CFAP47: variants seen among roughly 807,000 people sequenced by gnomAD.
The protein encoded by CFAP47 is cilia- and flagella-associated protein 47.
CFAP47 carries 29 observed loss-of-function variants against 148.1 expected under a neutral mutation model. That is an observed-to-expected ratio of 0.20 (90% CI 0.15 to 0.27). CFAP47 has a LOEUF of 0.27. Ranked by LOEUF, CFAP47 falls within the 10% of genes least tolerant of loss-of-function variation. The probability of loss-of-function intolerance (pLI) is 1.00; values close to 1 mark genes in which losing one functional copy is unlikely to be tolerated. For synonymous variants in CFAP47, 664 were observed against 577.3 expected (o/e 1.15, Z -2.15); for missense variants, 1,872 against 1,697.5 (o/e 1.10, Z -1.81).
intron 46 of CFAP47, among the ~76,000 whole-genome samples, chrX:36,231,246 A>G (rs1555992553): frequency 9.1e-6 from 1 of 109,829 alleles, no homozygotes; most frequent in Non-Finnish European, 1.9e-5. Flanking sequence ...ACCCATGAGC[A>G]TGGAATGTTC....
chrX:36,036,414 T>C (rs775196569), intron 24 of CFAP47, among the ~76,000 whole-genome samples: 1 of 110,839 alleles, frequency 9.0e-6, no homozygotes, highest in Non-Finnish European at 1.9e-5. Context: ...CGAATAATAG[T>C]CTATTGTGTA....
At chrX:35,989,166 T>A (rs895289555) in intron 15 of CFAP47, among the ~76,000 whole-genome samples, 153 bp from the exon 16 acceptor site, 1 of 112,507 alleles carries the variant, frequency 8.9e-6, no homozygotes, top group African/African-American at 3.2e-5. Context: ...TTTGATAATA[T>A]CTCACTTAGC....
At chrX:36,039,340 T>G (rs1937375680) in intron 25 of CFAP47, among the ~76,000 whole-genome samples, 161 bp downstream of exon 25, 1 of 112,321 alleles carries the variant, frequency 8.9e-6, no homozygotes, top group Non-Finnish European at 1.9e-5. Flanking sequence ...CCAAAAAATC[T>G]TTCTTAATTA....
intron 46 of CFAP47, among the ~76,000 whole-genome samples, chrX:36,234,279 C>G (rs1225291686): frequency 9.0e-6 from 1 of 111,039 alleles, no homozygotes; most frequent in African/African-American, 3.3e-5. Context: ...GGTCTTTTCA[C>G]ATAGTCCCAT....
intron 21 of CFAP47, among the ~76,000 whole-genome samples, chrX:36,008,946 C>T (rs778761347): frequency 8.1e-5 from 9 of 110,941 alleles, no homozygotes; most frequent in Admixed American, 3.8e-4. Flanking sequence ...ATAGTATATC[C>T]GGTACCCTAC....
chrX:35,963,323 CTTTA>C lies in CFAP47; in HGVS notation c.1411-3237_1411-3234del, dbSNP rs774729219. Reference sequence around the variant, plus strand: ...AAAACAGTAAGGATATATTATTTAGCTTTATTTAATTGTTTCAAAATTACATCAA... The same window carrying C: ...AAAACAGTAAGGATATATTATTTAGCTTTAATTGTTTCAAAATTACATCAA... On this transcript the variant is annotated intron_variant, in intron 8 of 63. Coordinates refer to ENST00000378653, the MANE Select transcript of CFAP47 (RefSeq NM_001304548.2). Among the ~76,000 whole-genome samples, 1,015 of 110,265 alleles carry C rather than the reference CTTTA, an allele frequency of 9.2e-3. 15 individuals are homozygous for C. The highest frequency in any genetic ancestry group is 0.032 in the African/African-American group (972 of 30,485).
chrX:35,960,380 G>GGAAAAAAAAAAA (rs1227681980), intron 8 of CFAP47, among the ~76,000 whole-genome samples: 5 of 15,487 alleles, frequency 3.2e-4, no homozygotes, highest in African/African-American at 1.3e-3. Context: ...GCTAATTTCT[G>GGAAAAAAAAAAA]AAAAAAAAAA....
chrX:36,102,070 T>A (rs1412223825), intron 32 of CFAP47, among the ~76,000 whole-genome samples: 1 of 111,816 alleles, frequency 8.9e-6, no homozygotes, highest in African/African-American at 3.2e-5. Flanking sequence ...AGGACTATGT[T>A]CTATTTTGTG....
intron 2 of CFAP47, among the ~76,000 whole-genome samples, chrX:35,940,368 C>T (rs866535661): frequency 1.8e-5 from 2 of 110,726 alleles, no homozygotes; most frequent in Admixed American, 1.9e-4. Flanking sequence ...GAAGTCCTTG[C>T]CCATGCCTAT....
intron 8 of CFAP47, among the ~76,000 whole-genome samples, chrX:35,964,217 T>C (rs1338481554): frequency 5.4e-5 from 6 of 111,753 alleles, no homozygotes; most frequent in Admixed American, 9.5e-5. Context: ...CAGTTTTGAA[T>C]GATAGTTTTG....
intron 39 of CFAP47, among the ~76,000 whole-genome samples, chrX:36,163,638 T>TA (rs959576621): frequency 9.0e-6 from 1 of 111,495 alleles, no homozygotes; most frequent in Non-Finnish European, 1.9e-5. Context: ...GAGACAGAGT[T>TA]ATGTTCTTGC....
chrX:35,939,083 G>T (rs188528893), intron 2 of CFAP47, among the ~76,000 whole-genome samples: 294 of 110,969 alleles, frequency 2.6e-3, no homozygotes, highest in African/African-American at 9.1e-3. Context: ...AACAAAATAT[G>T]CATAGACCTC....
At chrX:36,291,465 T>A (rs1941191706) in intron 51 of CFAP47, among the ~76,000 whole-genome samples, 1 of 111,280 alleles carries the variant, frequency 9.0e-6, no homozygotes, top group South Asian at 3.8e-4. Flanking sequence ...GAAAGACCAT[T>A]ATTTCAATTA....
chrX:36,078,816 G>A (rs1302377910), intron 29 of CFAP47, among the ~76,000 whole-genome samples: 7 of 111,223 alleles, frequency 6.3e-5, no homozygotes, highest in Non-Finnish European at 9.4e-5. Flanking sequence ...GGCTGGTACC[G>A]GTTGTTCCTT....
At chrX:36,374,736 G>C in intron 62 of CFAP47, 1 of 447,255 alleles carries the variant, frequency 2.2e-6, no homozygotes. Flanking sequence ...ATTTCCATTT[G>C]TCTCAATATA....
chrX:36,351,383 A>G (rs1941741733), intron 59 of CFAP47, among the ~76,000 whole-genome samples: 1 of 111,995 alleles, frequency 8.9e-6, no homozygotes, highest in African/African-American at 3.2e-5. Flanking sequence ...TTGATTGTAT[A>G]CTTCTGATAT....
At chrX:36,103,501 GAAAAAAAAA>G (rs61501194) in intron 32 of CFAP47, among the ~76,000 whole-genome samples, 4 of 15,056 alleles carry the variant, frequency 2.7e-4, no homozygotes, top group African/African-American at 4.8e-4. Flanking sequence ...TCATATGCCA[GAAAAAAAAA>G]AAAAAAAAAA....
At chrX:36,359,667 T>C (rs909201004) in intron 60 of CFAP47, among the ~76,000 whole-genome samples, 12 of 111,822 alleles carry the variant, frequency 1.1e-4, no homozygotes, top group African/African-American at 3.9e-4. Context: ...CTTGAAAAAC[T>C]CCCTATTAGT....
intron 8 of CFAP47, among the ~76,000 whole-genome samples, chrX:35,962,859 A>T (rs1295221513): frequency 9.1e-6 from 1 of 109,471 alleles, no homozygotes; most frequent in East Asian, 2.9e-4. Flanking sequence ...ATGATGCTGC[A>T]ATTAACATGA....
Sources: allele counts gnomAD v4.1 joint callset (sites outside exome capture counted in the v4.1 genomes callset), GRCh38; gene constraint gnomAD v4.1.1; transcripts MANE v1.5; gene names NCBI Gene and HGNC (gene_info 2026-07-23, HGNC 2026-07-21).